KLRG2: variants seen among roughly 807,000 people sequenced by gnomAD.
KLRG2 encodes the protein killer cell lectin-like receptor subfamily G member 2.
A neutral mutation model predicts 35.4 loss-of-function variants in KLRG2; 39 were observed. The ratio of observed to expected loss-of-function variants is 1.10; its 90% confidence interval spans 0.85 to 1.44. The LOEUF (loss-of-function observed/expected upper bound fraction) is 1.44. KLRG2 is among the 40% of genes most tolerant of loss of function. The pLI, the probability that KLRG2 is intolerant of heterozygous loss-of-function variation, is 0.00. For missense variants in KLRG2, 632 were observed against 570.9 expected, an observed-to-expected ratio of 1.11 and a Z score of -1.09; for synonymous variants, 283 against 265.8, an observed-to-expected ratio of 1.06 and a Z score of -0.63.
chr7:139,460,540 G>A lies in KLRG2; in HGVS notation c.1006-6326C>T, dbSNP rs747044261. Among the ~76,000 whole-genome samples the A allele has an allele frequency of 3.3e-5, 5 of 152,146 alleles. No individual in the cohort carries two copies. In the East Asian group the frequency reaches 5.8e-4, roughly 18 times the overall value. On this transcript the variant is annotated intron_variant, in intron 3 of 4. Transcript: ENST00000340940. ...TAAAAGTCAAAAAAATTAGCCAGGC[G>A]TGGTTCCAGCTACTCAGGAGGCTGA... is the stretch of plus-strand genomic sequence containing the variant.
intron 3 of KLRG2, among the ~76,000 whole-genome samples, chr7:139,477,352 T>C (rs1183170261): frequency 6.6e-6 from 1 of 152,030 alleles, no homozygotes; most frequent in African/African-American, 2.4e-5. Context: ...GGTGAACAAA[T>C]AAGCAAAATG....
intron 3 of KLRG2, among the ~76,000 whole-genome samples, chr7:139,475,877 T>A (rs1796841462): frequency 6.6e-6 from 1 of 151,574 alleles, no homozygotes. Flanking sequence ...GATCTGAAGC[T>A]ATCTCCGGGA....
intron 3 of KLRG2, among the ~76,000 whole-genome samples, chr7:139,479,070 T>A (rs1370155330): frequency 2.0e-5 from 3 of 151,936 alleles, no homozygotes; most frequent in Non-Finnish European, 2.9e-5. Flanking sequence ...TAAAAAAAAA[T>A]TATTTTTATT....
At position 139,483,631 on chromosome 7, in the gene KLRG2, A is replaced by G. The variant is rs955564074; in HGVS notation, c.12T>C (p.Ser4=). MEE[S]WEAAPGGQAG... ...CTTGGCCTCCGGGCGCAGCCTCCCA[A>G]GACTCCTCCATCCCGCGCGCCCCGC... Residue 4 remains serine, a synonymous_variant, in exon 1 of 5, where the codon TCT becomes TCC. Transcript: ENST00000340940. 4.5e-6 allele frequency: 7 copies of G among 1,552,422 alleles called. No homozygotes were observed. The highest frequency in any genetic ancestry group is 1.4e-5 in the African/African-American group (1 of 72,560).
chr7:139,480,857 C>T (rs547327885), intron 1 of KLRG2, among the ~76,000 whole-genome samples: 1 of 151,672 alleles, frequency 6.6e-6, no homozygotes, highest in African/African-American at 2.4e-5. Context: ...AATTCTCATG[C>T]CTTAGCCTCC....
chr7:139,465,980 A>G (rs1416968240), intron 3 of KLRG2, among the ~76,000 whole-genome samples: 1 of 152,100 alleles, frequency 6.6e-6, no homozygotes, highest in Non-Finnish European at 1.5e-5. Context: ...TCACAGGCCC[A>G]TTCTATTCTG....
At chr7:139,475,572 C>CTATA (rs1305076392) in intron 3 of KLRG2, among the ~76,000 whole-genome samples, 2 of 151,252 alleles carry the variant, frequency 1.3e-5, no homozygotes, top group Non-Finnish European at 2.9e-5. Flanking sequence ...GGGGGGGTGG[C>CTATA]GGCACACCCC....
At chr7:139,461,427 G>C (rs544107074) in intron 3 of KLRG2, among the ~76,000 whole-genome samples, 1 of 152,140 alleles carries the variant, frequency 6.6e-6, no homozygotes, top group Non-Finnish European at 1.5e-5. Flanking sequence ...AAAACGAATC[G>C]TTATCTTCAC....
chr7:139,449,596 A>AT (rs34664095), downstream of KLRG2, among the ~76,000 whole-genome samples: 60,993 of 151,874 alleles, frequency 0.4, 17,028 homozygotes, highest in African/African-American at 0.8. Context: ...AACTTCATAA[A>AT]TTTTTTAACT....
At chr7:139,450,498 CA>C (rs1796360736), downstream of KLRG2, among the ~76,000 whole-genome samples, 1 of 152,126 alleles carries the variant, frequency 6.6e-6, no homozygotes, top group Non-Finnish European at 1.5e-5. Context: ...GCTGGGATTA[CA>C]GGGGTGAGCC....
chr7:139,462,266 C>T (rs967779497), intron 3 of KLRG2, among the ~76,000 whole-genome samples: 46 of 152,286 alleles, frequency 3.0e-4, no homozygotes, highest in South Asian at 6.2e-4. Flanking sequence ...CACACAGGGA[C>T]GCCTGCCTTG....
intron 3 of KLRG2, 35 bp downstream of exon 3, chr7:139,479,592 T>A (rs759015146): frequency 6.3e-7 from 1 of 1,597,692 alleles, no homozygotes; most frequent in Admixed American, 1.7e-5. Flanking sequence ...TCTAGAAAGA[T>A]CTGTACCCCC....
chr7:139,430,302 T>C, the KLRG2 span, among the ~76,000 whole-genome samples: 1 of 152,036 alleles, frequency 6.6e-6, no homozygotes, highest in Admixed American at 6.6e-5. Flanking sequence ...CTTGGGAGGC[T>C]GAGGCAGGAG....
intron 1 of KLRG2, among the ~76,000 whole-genome samples, chr7:139,480,522 T>C (rs1436362544): frequency 7.1e-6 from 1 of 141,114 alleles, no homozygotes; most frequent in Non-Finnish European, 1.5e-5. Context: ...CTCGGCTCAC[T>C]GCAACCTCTG....
rs1255926334 is a variant in KLRG2, at chr7:139,483,251, T to C, written c.392A>G (p.Lys131Arg). ...GCTGCCACCGGCCGCGCCCACGGGC[T>C]TCACGCGCACATCTACCTGCAGCTC... ...PMELQVDVRV[K>R]PVGAAGGSST... The change falls in exon 1 of 5, where the codon AAG (lysine) becomes AGG (arginine). Residue 131 changes from lysine (K) to arginine (R), a missense_variant. Physicochemically the swap from Lys to Arg is conservative, Grantham distance 26 (BLOSUM62 2). Transcript: ENST00000340940. 6.4e-7 allele frequency: 1 copy of C among 1,555,388 alleles called. No homozygotes were observed. The highest frequency in any genetic ancestry group is 1.8e-5 in the Admixed American group (1 of 54,674).
At chr7:139,435,326 C>A in the KLRG2 span, among the ~76,000 whole-genome samples, 37,985 of 151,940 alleles carry the variant, frequency 0.25, 5,082 homozygotes, top group Middle Eastern at 0.35. Context: ...CCCATCTCTA[C>A]CAAAAACACA....
chr7:139,454,558 G>A (rs1382502729), intron 3 of KLRG2, among the ~76,000 whole-genome samples: 2 of 152,022 alleles, frequency 1.3e-5, no homozygotes, highest in Non-Finnish European at 2.9e-5. Context: ...GCTCATGCCT[G>A]TAATCCCAGC....
chr7:139,434,165 G>T, the KLRG2 span, among the ~76,000 whole-genome samples: 3 of 152,212 alleles, frequency 2.0e-5, no homozygotes, highest in Non-Finnish European at 4.4e-5. Context: ...CAAGCCGTGA[G>T]AATCACTAAA....
downstream of KLRG2, among the ~76,000 whole-genome samples, chr7:139,450,236 TG>T (rs57065436): frequency 0.37 from 56,228 of 150,302 alleles, 13,922 homozygotes; most frequent in African/African-American, 0.71. Flanking sequence ...TGTTTTGTTT[TG>T]TTTTGAGACG....
Sources: allele counts gnomAD v4.1 joint callset (sites outside exome capture counted in the v4.1 genomes callset), GRCh38; gene constraint gnomAD v4.1.1; transcripts MANE v1.5; gene names NCBI Gene and HGNC (gene_info 2026-07-23, HGNC 2026-07-21).